CAMTA1: variants seen among roughly 807,000 people sequenced by gnomAD.
The protein encoded by CAMTA1 is calmodulin binding transcription activator 1.
In CAMTA1, 27 loss-of-function variants were observed where a neutral mutation model predicts 170.9. That is an observed-to-expected ratio of 0.16 (90% CI 0.12 to 0.22). The LOEUF is 0.22. CAMTA1 is among the 10% of genes least tolerant of loss of function. The pLI, the probability that CAMTA1 is intolerant of heterozygous loss-of-function variation, is 1.00. For synonymous variants in CAMTA1, 833 were observed against 891.5 expected (o/e 0.93, Z 1.17); for missense variants, 1,619 against 2,217.2 (o/e 0.73, Z 5.42).
intron 6 of CAMTA1, among the ~76,000 whole-genome samples, chr1:7,481,185 G>C (rs958616349): frequency 6.6e-6 from 1 of 152,128 alleles, no homozygotes; most frequent in Admixed American, 6.5e-5. Flanking sequence ...TCTCCACAAA[G>C]CGGTGGGGGC....
At chr1:7,127,681 G>C (rs1026978624) in intron 4 of CAMTA1, among the ~76,000 whole-genome samples, 2 of 152,182 alleles carry the variant, frequency 1.3e-5, no homozygotes. Context: ...ATGTAGAAGG[G>C]GACAGATGTT....
chr1:7,632,262 G>A (rs1435099117), intron 6 of CAMTA1, among the ~76,000 whole-genome samples: 1 of 152,190 alleles, frequency 6.6e-6, no homozygotes, highest in Non-Finnish European at 1.5e-5. Flanking sequence ...CTGCTTCCTC[G>A]CCCGTCTCCC....
At position 7,661,913 on chromosome 1, in the gene CAMTA1, G is replaced by T. The variant is rs115203894; in HGVS notation, c.805+47G>T. The T allele has an allele frequency of 1.5e-3, 2,314 of 1,554,190 alleles. 33 individuals carry two copies. The African/African-American group carries it at 0.028, about 19-fold the overall frequency. ...AGGCGGGCGCCACGGGGACAGAGGG[G>T]CCCTACCAGGCAGCCGTCATGGCTG... is the stretch of plus-strand genomic sequence containing the variant. On this transcript the variant is annotated intron_variant, in intron 8 of 22. Coordinates refer to ENST00000303635, the MANE Select transcript of CAMTA1 (RefSeq NM_015215.4).
chr1:7,068,488 G>A (rs996981338), intron 3 of CAMTA1, among the ~76,000 whole-genome samples: 5 of 152,120 alleles, frequency 3.3e-5, no homozygotes, highest in African/African-American at 9.7e-5. Flanking sequence ...AGAGAGGACG[G>A]CCTGATCAAG....
chr1:7,492,728 C>T (rs919910003), intron 6 of CAMTA1, among the ~76,000 whole-genome samples: 34 of 131,218 alleles, frequency 2.6e-4, no homozygotes, highest in Middle Eastern at 3.8e-3. Context: ...CAAACACAAA[C>T]CTACATACAC....
At chr1:6,866,422 T>C (rs1442491863) in intron 3 of CAMTA1, among the ~76,000 whole-genome samples, 1 of 152,232 alleles carries the variant, frequency 6.6e-6, no homozygotes, top group East Asian at 1.9e-4. Flanking sequence ...AACCCTGGTA[T>C]GCCTGGCTAG....
At chr1:7,715,342 C>T (rs776828835) in intron 11 of CAMTA1, among the ~76,000 whole-genome samples, 3 of 152,116 alleles carry the variant, frequency 2.0e-5, no homozygotes, top group South Asian at 2.1e-4. Flanking sequence ...TTAACCATTC[C>T]GTCAACCACT....
Position 7,642,438 on chromosome 1 carries a change from G to A in CAMTA1, c.664+1885G>A, listed in dbSNP as rs1291702053. Among the ~76,000 whole-genome samples the A allele has an allele frequency of 6.6e-6, 1 of 152,170 alleles. No individual in the cohort carries two copies. Among genetic ancestry groups the A allele is most frequent in the Non-Finnish European group, 1.5e-5 (1 of 68,018 alleles). ...GTGGCACTTTCCCAAGGGCAGGCCA[G>A]AGGCTAGGAGTCTGGGGCACCGGTG... is the stretch of plus-strand genomic sequence containing the variant. On this transcript the variant is annotated intron_variant, in intron 7 of 22. Transcript: ENST00000303635. This position sits in a 1 kb window ranked among gnomAD's most constrained non-coding sequence, Gnocchi z 6.3.
chr1:6,971,812 G>T lies in CAMTA1; in HGVS notation c.235-119492G>T, dbSNP rs1166561525. On this transcript the variant is annotated intron_variant, in intron 3 of 22. Coordinates refer to ENST00000303635, the MANE Select transcript of CAMTA1 (RefSeq NM_015215.4). This position sits in a 1 kb window ranked among gnomAD's most constrained non-coding sequence, Gnocchi z 4.6. The stretch of plus-strand genomic sequence containing the variant: ...TGGCCGCCCCCGGGTCTCAGCAATG[G>T]CATTATCACTGCTAACCCAGGTGTG... Among the ~76,000 whole-genome samples the T allele has an allele frequency of 1.3e-5, 2 of 152,240 alleles. No individual in the cohort carries two copies. Among genetic ancestry groups the T allele is most frequent in the Admixed American group, 1.3e-4 (2 of 15,290 alleles).
At chr1:6,855,203 A>G (rs1661839614) in intron 3 of CAMTA1, among the ~76,000 whole-genome samples, 1 of 152,132 alleles carries the variant, frequency 6.6e-6, no homozygotes, top group African/African-American at 2.4e-5. Context: ...AACAAACACA[A>G]ATTCCAAATT....
At chr1:6,982,930 C>T (rs551447000) in intron 3 of CAMTA1, among the ~76,000 whole-genome samples, 6 of 152,304 alleles carry the variant, frequency 3.9e-5, no homozygotes, top group Admixed American at 3.3e-4. Context: ...CCTTGTCACT[C>T]TCCCATGAAG....
chr1:7,156,524 C>G (rs1646895809), intron 4 of CAMTA1, among the ~76,000 whole-genome samples: 1 of 152,152 alleles, frequency 6.6e-6, no homozygotes, highest in Non-Finnish European at 1.5e-5. Context: ...CCTGCACTGA[C>G]TATTCACAGA....
intron 4 of CAMTA1, among the ~76,000 whole-genome samples, chr1:7,106,229 G>A (rs1643568696): frequency 6.6e-6 from 1 of 151,542 alleles, no homozygotes; most frequent in Admixed American, 6.6e-5. Flanking sequence ...GGTAATGCCT[G>A]GGGATACACT....
intron 12 of CAMTA1, among the ~76,000 whole-genome samples, chr1:7,735,883 C>T (rs1284814308): frequency 1.3e-5 from 2 of 152,066 alleles, no homozygotes; most frequent in East Asian, 3.9e-4. Flanking sequence ...GGTGATCTTC[C>T]CACCTCAGCC....
At chr1:7,322,779 T>TTTC (rs972429997) in intron 5 of CAMTA1, among the ~76,000 whole-genome samples, 6 of 152,264 alleles carry the variant, frequency 3.9e-5, no homozygotes, top group African/African-American at 1.4e-4. Flanking sequence ...TAATTGTACC[T>TTTC]TTCTTCTTCT....
intron 4 of CAMTA1, among the ~76,000 whole-genome samples, chr1:7,193,726 G>A (rs1303452094): frequency 6.6e-6 from 1 of 152,160 alleles, no homozygotes; most frequent in African/African-American, 2.4e-5. Context: ...GCTTTTCTGA[G>A]GGATAGAATG....
At chr1:6,993,699 A>G (rs1355959113) in intron 3 of CAMTA1, among the ~76,000 whole-genome samples, 2 of 152,138 alleles carry the variant, frequency 1.3e-5, no homozygotes, top group African/African-American at 4.8e-5. Flanking sequence ...TGTGGTTTAC[A>G]TGGTGTATGT....
chr1:7,206,937 G>A (rs757236851), intron 4 of CAMTA1, among the ~76,000 whole-genome samples: 2 of 151,994 alleles, frequency 1.3e-5, no homozygotes, highest in South Asian at 2.1e-4. Context: ...CCCCACCCCC[G>A]GCCTGCTTCT....
At chr1:7,307,681 T>A (rs1042077469) in intron 5 of CAMTA1, among the ~76,000 whole-genome samples, 1 of 152,102 alleles carries the variant, frequency 6.6e-6, no homozygotes, top group African/African-American at 2.4e-5. Context: ...TATTGAAGCA[T>A]CTTTGCATTC....
Sources: gnomAD v4.1 joint callset for allele counts (sites outside exome capture counted in the v4.1 genomes callset) on GRCh38, gnomAD v4.1.1 for gene constraint, Gnocchi (gnomAD v3.1) non-coding constraint, MANE v1.5 for transcripts, NCBI Gene and HGNC (gene_info 2026-07-23, HGNC 2026-07-21) for gene names.